HIPK2: variants seen among roughly 807,000 people sequenced by gnomAD.
The protein encoded by HIPK2 is homeodomain-interacting protein kinase 2.
Under a neutral mutation model 113.7 loss-of-function variants are expected in HIPK2, and 27 were observed. The ratio of observed to expected loss-of-function variants is 0.24; its 90% CI spans 0.17 to 0.33. The LOEUF is 0.33. Among genes scored for constraint, HIPK2 ranks in the 10% least tolerant of loss-of-function variants. HIPK2 has a pLI of 1.00. For missense variants in HIPK2, 1,257 were observed against 1,588.0 expected (o/e 0.79, Z 3.54); for synonymous variants, 631 against 642.2 (o/e 0.98, Z 0.26).
chr7:139,639,626 G>A (rs1800936133), intron 2 of HIPK2, among the ~76,000 whole-genome samples: 2 of 152,174 alleles, frequency 1.3e-5, no homozygotes, highest in Non-Finnish European at 1.5e-5. Context: ...GGAGGAGTCT[G>A]AGCTGAGCCT....
chr7:139,731,814 T>C (rs1013579807), intron 1 of HIPK2, among the ~76,000 whole-genome samples: 12 of 152,200 alleles, frequency 7.9e-5, no homozygotes, highest in Non-Finnish European at 1.8e-4. Context: ...GCAACTGCTA[T>C]TTACAACAGG....
chr7:139,750,243 A>G (rs1233056513), intron 1 of HIPK2, among the ~76,000 whole-genome samples: 1 of 152,208 alleles, frequency 6.6e-6, no homozygotes, highest in Non-Finnish European at 1.5e-5. Flanking sequence ...ACATTAGCAC[A>G]GTTTTCCACC....
chr7:139,633,095 C>CAAAA lies in HIPK2; in HGVS notation c.1104-1374_1104-1371dup, dbSNP rs942820284. On this transcript the variant is annotated intron_variant, in intron 2 of 14. Transcript: ENST00000406875. ...TGGACGACAGAAATAGACCCTGTCT[C>CAAAA]AAAAAAAAAAAAAAAAAAAAAAAAG... 3.9e-3 allele frequency among the ~76,000 whole-genome samples: 290 copies of CAAAA among 73,680 alleles called. 1 individual carries two copies. The highest frequency in any genetic ancestry group is 0.01 in the South Asian group (17 of 1,644). The allele number at this position is 73,680 out of a possible 152,430, so 48.3% of individuals were successfully genotyped here.
chr7:139,715,467 T>C (rs1461025804), intron 2 of HIPK2, among the ~76,000 whole-genome samples: 1 of 152,228 alleles, frequency 6.6e-6, no homozygotes, highest in African/African-American at 2.4e-5. Flanking sequence ...TTGCAATTCC[T>C]TGATCTGATA....
At chr7:139,701,072 C>T (rs1325498303) in intron 2 of HIPK2, among the ~76,000 whole-genome samples, 4 of 152,240 alleles carry the variant, frequency 2.6e-5, no homozygotes, top group African/African-American at 9.6e-5. Flanking sequence ...TAACTGGGAC[C>T]TGCATGGCGT....
rs1800594003 is a variant in HIPK2 at position 139,631,022 on chromosome 7, A to AT, written c.1347+142dup. The AT allele has an allele frequency of 1.8e-6, 2 of 1,122,748 alleles. No individual in the cohort carries two copies. Among genetic ancestry groups the AT allele is most frequent in the Non-Finnish European group, 2.5e-6 (2 of 813,558 alleles). The allele number at this position is 1,122,748 out of a possible 1,614,324, so 69.5% of individuals were successfully genotyped here. On this transcript the variant is annotated intron_variant, in intron 4 of 14. Transcript: ENST00000406875. This position sits in a 1 kb window ranked among gnomAD's most constrained non-coding sequence, Gnocchi z 4.9. ...GAAAGAGGGGCTTCTGAGCATTCAG[A>AT]TTCAGCCATACCATGTATTAACAAC...
At position 139,566,833 on chromosome 7, in the gene HIPK2, G is replaced by T. The variant is rs943778325; in HGVS notation, c.*6094C>A. ...AGTGTCATGTTCAACACAGGGATCT[G>T]AGATGAGGGGCTCCCAGAGGCTTGG... On this transcript the variant is annotated 3_prime_UTR_variant, in exon 15 of 15. Coordinates refer to ENST00000406875, the MANE Select transcript of HIPK2 (RefSeq NM_022740.5). The surrounding 1 kb of genome is among the most constrained non-coding windows in gnomAD (Gnocchi z 4.1). 8 of 152,258 alleles carry T rather than the reference G, an allele frequency of 5.3e-5. No homozygotes were observed. The highest frequency in any genetic ancestry group is 4.6e-4 in the Admixed American group (7 of 15,288). 9.4% of individuals were successfully genotyped at this position (152,258 alleles called of 1,614,324 possible).
At chr7:139,579,770 A>T (rs947323588) in intron 13 of HIPK2, among the ~76,000 whole-genome samples, 2 of 152,182 alleles carry the variant, frequency 1.3e-5, no homozygotes, top group Admixed American at 1.3e-4. Context: ...GGATGGGGGC[A>T]GTGGGTGCTA....
intron 2 of HIPK2, among the ~76,000 whole-genome samples, chr7:139,689,372 G>A (rs1255465930): frequency 1.3e-5 from 2 of 152,196 alleles, no homozygotes; most frequent in Admixed American, 1.3e-4. Flanking sequence ...CAGTCCAAGT[G>A]TGTCATTTTG....
At chr7:139,694,997 T>C (rs1794522319) in intron 2 of HIPK2, among the ~76,000 whole-genome samples, 1 of 152,154 alleles carries the variant, frequency 6.6e-6, no homozygotes, top group Admixed American at 6.5e-5. Context: ...CCCCCTATTA[T>C]ATGGCCTGCT....
chr7:139,692,401 CAAGGTCA>C (rs1794433328), intron 2 of HIPK2, among the ~76,000 whole-genome samples: 1 of 152,160 alleles, frequency 6.6e-6, no homozygotes, highest in African/African-American at 2.4e-5. Context: ...TGCTTAATGC[CAAGGTCA>C]AAGGTATAGA....
intron 1 of HIPK2, among the ~76,000 whole-genome samples, chr7:139,743,576 C>G (rs1048976413): frequency 6.6e-6 from 1 of 152,202 alleles, no homozygotes; most frequent in African/African-American, 2.4e-5. Flanking sequence ...GCAGTTACCC[C>G]CTAAGTCCTC....
chr7:139,706,117 C>T (rs1004354719), intron 2 of HIPK2, among the ~76,000 whole-genome samples: 13 of 152,186 alleles, frequency 8.5e-5, no homozygotes, highest in Admixed American at 2.0e-4. Context: ...CTGGGGAAGT[C>T]GCTTCTCATT....
At chr7:139,640,225 T>C (rs1215171272) in intron 2 of HIPK2, among the ~76,000 whole-genome samples, 1 of 152,230 alleles carries the variant, frequency 6.6e-6, no homozygotes, top group African/African-American at 2.4e-5. Flanking sequence ...GAAAATTCTA[T>C]CTTTCTAAAG....
intron 1 of HIPK2, among the ~76,000 whole-genome samples, chr7:139,750,421 T>C (rs1405089917): frequency 2.6e-5 from 4 of 152,212 alleles, no homozygotes; most frequent in East Asian, 1.9e-4. Flanking sequence ...TCTCTTCCTA[T>C]ATATATAGTA....
At chr7:139,603,207 T>G (rs7793949) in intron 10 of HIPK2, among the ~76,000 whole-genome samples, 38,603 of 151,948 alleles carry the variant, frequency 0.25, 7,086 homozygotes, top group African/African-American at 0.53. Context: ...AGGTTCCCTG[T>G]GTGATATGGA....
rs1181829827 is a variant in HIPK2 at position 139,634,674 on chromosome 7, G to GTTTTTTTTTTTTTTTTTTT, written c.1104-2968_1104-2950dup. Among the ~76,000 whole-genome samples, 18 of 113,662 alleles carry GTTTTTTTTTTTTTTTTTTT rather than the reference G, an allele frequency of 1.6e-4. 2 individuals are homozygous for GTTTTTTTTTTTTTTTTTTT. The highest frequency in any genetic ancestry group is 5.6e-4 in the African/African-American group (14 of 24,852). 74.6% of individuals were successfully genotyped at this position (113,662 alleles called of 152,430 possible). On this transcript the variant is annotated intron_variant, in intron 2 of 14. Transcript: ENST00000406875. Reference sequence around the variant, plus strand: ...AAAAAGAAGGGACTATCTGTTTCAGGTTTTTTTTTTTTTTTTTTTTTGAGA... The same window carrying GTTTTTTTTTTTTTTTTTTT: ...AAAAAGAAGGGACTATCTGTTTCAGGTTTTTTTTTTTTTTTTTTTTTTTTTTTTTTTTTTTTTTTTGAGA...
chr7:139,588,851 T>C (rs1798924347), intron 12 of HIPK2, among the ~76,000 whole-genome samples: 1 of 152,174 alleles, frequency 6.6e-6, no homozygotes, highest in Non-Finnish European at 1.5e-5. Flanking sequence ...CGAAGTACTC[T>C]GAGGGCCAGG....
intron 1 of HIPK2, among the ~76,000 whole-genome samples, chr7:139,762,269 A>G (rs530867649): frequency 6.6e-6 from 1 of 152,354 alleles, no homozygotes; most frequent in East Asian, 1.9e-4. Flanking sequence ...AACACTGTAG[A>G]AAGAACAACA....
Sources: allele counts gnomAD v4.1 joint callset (sites outside exome capture counted in the v4.1 genomes callset), GRCh38; gene constraint gnomAD v4.1.1; non-coding constraint Gnocchi (gnomAD v3.1); transcripts MANE v1.5; gene names NCBI Gene and HGNC (gene_info 2026-07-23, HGNC 2026-07-21).